Variants in STOX2 observed in about 807,000 individuals in gnomAD.
The protein encoded by STOX2 is storkhead-box protein 2.
In STOX2, 28 loss-of-function variants were observed where a neutral mutation model predicts 60.9. The observed-to-expected ratio is 0.46, with a 90% CI of 0.34 to 0.63. STOX2 has a LOEUF of 0.63. Ranked by LOEUF, STOX2 falls within the 30% of genes least tolerant of loss-of-function variation. STOX2 has a pLI of 0.01. For missense variants in STOX2, 1,024 were observed against 1,187.7 expected (o/e 0.86, Z 2.03); for synonymous variants, 472 against 463.9 (o/e 1.02, Z -0.22).
intron 1 of STOX2, among the ~76,000 whole-genome samples, chr4:183,855,413 T>G (rs1212892987): frequency 1.3e-5 from 2 of 152,206 alleles, no homozygotes; most frequent in Non-Finnish European, 2.9e-5. Context: ...GGGTCCTATC[T>G]GATAAATGAT....
chr4:183,964,060 C>T (rs911430242), intron 1 of STOX2, among the ~76,000 whole-genome samples: 4 of 152,222 alleles, frequency 2.6e-5, no homozygotes, highest in Non-Finnish European at 4.4e-5. Context: ...CAGGCGTGAG[C>T]CACCGCGCCC....
At chr4:183,819,368 C>T (rs933504331) in intron 1 of STOX2, among the ~76,000 whole-genome samples, 3 of 151,984 alleles carry the variant, frequency 2.0e-5, no homozygotes, top group African/African-American at 7.3e-5. Flanking sequence ...CACAGCGAAA[C>T]CCCGTCTCCA....
intron 1 of STOX2, among the ~76,000 whole-genome samples, chr4:183,953,397 T>G (rs1410045820): frequency 6.6e-6 from 1 of 152,138 alleles, no homozygotes; most frequent in Non-Finnish European, 1.5e-5. Context: ...CCACTTTGCA[T>G]TGTCATTCAT....
chr4:183,900,193 G>A (rs1741433002), intron 1 of STOX2, among the ~76,000 whole-genome samples: 1 of 152,154 alleles, frequency 6.6e-6, no homozygotes, highest in African/African-American at 2.4e-5. Context: ...ATATACTTCA[G>A]TGACAGTGAT....
intron 2 of STOX2, among the ~76,000 whole-genome samples, chr4:184,006,427 G>C (rs1172293442): frequency 6.6e-6 from 1 of 152,070 alleles, no homozygotes; most frequent in Non-Finnish European, 1.5e-5. Context: ...TATATTCCGT[G>C]TCAGTGGTGT....
intron 1 of STOX2, among the ~76,000 whole-genome samples, chr4:183,989,364 G>A (rs113355438): frequency 5.3e-5 from 8 of 151,842 alleles, no homozygotes; most frequent in African/African-American, 1.7e-4. Flanking sequence ...CACCACGCCT[G>A]GCTAATTTTG....
chr4:183,997,501 T>A (rs765598915), intron 1 of STOX2, among the ~76,000 whole-genome samples: 15 of 152,082 alleles, frequency 9.9e-5, no homozygotes, highest in Non-Finnish European at 4.4e-5. Flanking sequence ...TGCAGGGAAG[T>A]GGTGTGTTTT....
intron 1 of STOX2, among the ~76,000 whole-genome samples, chr4:183,870,826 G>T (rs1740671759): frequency 6.6e-6 from 1 of 152,104 alleles, no homozygotes. Flanking sequence ...CCCATTTGTT[G>T]TTCTTAAAAA....
intron 1 of STOX2, among the ~76,000 whole-genome samples, chr4:183,819,768 C>G (rs1047158282): frequency 3.3e-5 from 5 of 152,154 alleles, no homozygotes; most frequent in Admixed American, 6.5e-5. Flanking sequence ...TGAACGGCAT[C>G]GCCCCACTAA....
Position 183,986,134 on chromosome 4 carries a change from G to GA in STOX2, c.167-15181dup, listed in dbSNP as rs138011558. Among the ~76,000 whole-genome samples, 342 of 140,808 alleles carry GA rather than the reference G, an allele frequency of 2.4e-3. 3 individuals are homozygous for GA. The highest frequency in any genetic ancestry group is 4.2e-3 in the African/African-American group (160 of 38,206). The allele number at this position is 140,808 out of a possible 152,430, so 92.4% of individuals were successfully genotyped here. On this transcript the variant is annotated intron_variant, in intron 1 of 3. Transcript: ENST00000308497. The stretch of plus-strand genomic sequence containing the variant: ...GTATTTGGTTAAGTATGTGGAGAAA[G>GA]AAAAAAAAAACAAATACTTGAAGAA...
intron 1 of STOX2, among the ~76,000 whole-genome samples, chr4:183,996,461 T>C (rs1006466008): frequency 1.3e-5 from 2 of 152,250 alleles, no homozygotes; most frequent in Admixed American, 6.5e-5. Context: ...ATAATGTAGA[T>C]TATCGTGACC....
rs1380637551 is a variant in STOX2 at position 184,001,609 on chromosome 4, C to G, written c.319+132C>G. On this transcript the variant is annotated intron_variant, in intron 2 of 3. Transcript: ENST00000308497. The surrounding 1 kb of genome is among the most constrained non-coding windows in gnomAD (Gnocchi z 4.2). ...TTCCCCAAAACTGACCCGAAGCTTT[C>G]CTTACTTCTGTAATTAAAAATTCAG... 1.2e-6 allele frequency: 1 copy of G among 826,344 alleles called. No individual in the cohort carries two copies. Among genetic ancestry groups the G allele is most frequent in the Non-Finnish European group, 1.7e-6 (1 of 578,920 alleles). The allele number at this position is 826,344 out of a possible 1,614,324, so 51.2% of individuals were successfully genotyped here. A position where few individuals can be genotyped will look rare whatever the true frequency, so the allele number is the denominator to read the frequency against.
intron 1 of STOX2, among the ~76,000 whole-genome samples, chr4:183,851,092 G>T (rs1223392043): frequency 1.1e-5 from 1 of 94,308 alleles, no homozygotes; most frequent in East Asian, 3.2e-4. Flanking sequence ...GAAAGGATGA[G>T]GGAAACGATG....
upstream of STOX2, among the ~76,000 whole-genome samples, chr4:183,900,812 C>T (rs1741444185): frequency 6.6e-6 from 1 of 152,106 alleles, no homozygotes; most frequent in Non-Finnish European, 1.5e-5. Flanking sequence ...AAATACATTC[C>T]CTTAAACATT....
chr4:183,961,462 C>T (rs1423007255), intron 1 of STOX2, among the ~76,000 whole-genome samples: 12 of 152,324 alleles, frequency 7.9e-5, no homozygotes, highest in African/African-American at 2.2e-4. Context: ...GCTGGATGAT[C>T]GTCAGCCCAG....
chr4:183,852,689 T>C (rs1740185190), intron 1 of STOX2, among the ~76,000 whole-genome samples: 1 of 152,226 alleles, frequency 6.6e-6, no homozygotes, highest in Admixed American at 6.5e-5. Flanking sequence ...GTTCTTTTTT[T>C]CTGCATTTAG....
At position 183,995,308 on chromosome 4, in the gene STOX2, TTTTTTTTTTTTTTTTG is replaced by T. The variant is rs1470370116; in HGVS notation, c.167-6016_167-6001del. Among the ~76,000 whole-genome samples, 389 of 127,304 alleles carry T rather than the reference TTTTTTTTTTTTTTTTG, an allele frequency of 3.1e-3. 2 individuals are homozygous for T. Among genetic ancestry groups the T allele is most frequent in the African/African-American group, 0.01 (343 of 33,726 alleles). The allele number at this position is 127,304 out of a possible 152,430, so 83.5% of individuals were successfully genotyped here. ...ATTTTAGTCTTTTTTTTTTTTTTTT[TTTTTTTTTTTTTTTTG>T]CACAAATAGAACCGAGATAAGAACA... is the stretch of plus-strand genomic sequence containing the variant. On this transcript the variant is annotated intron_variant, in intron 1 of 3. Coordinates refer to ENST00000308497, the MANE Select transcript of STOX2 (RefSeq NM_020225.3).
At chr4:183,895,898 G>A (rs958447160) in intron 1 of STOX2, among the ~76,000 whole-genome samples, 2 of 152,198 alleles carry the variant, frequency 1.3e-5, no homozygotes, top group Admixed American at 1.3e-4. Flanking sequence ...CAGGACAAGG[G>A]CCTCTAAATC....
chr4:183,879,215 A>G (rs1740899029), intron 1 of STOX2, among the ~76,000 whole-genome samples: 1 of 152,210 alleles, frequency 6.6e-6, no homozygotes, highest in African/African-American at 2.4e-5. Context: ...TCGCGAAGGC[A>G]TGTCCCCGGG....
Sources: gnomAD v4.1 joint callset for allele counts (sites outside exome capture counted in the v4.1 genomes callset) on GRCh38, gnomAD v4.1.1 for gene constraint, Gnocchi (gnomAD v3.1) non-coding constraint, MANE v1.5 for transcripts, NCBI Gene and HGNC (gene_info 2026-07-23, HGNC 2026-07-21) for gene names.